CDCA3: variants seen among roughly 807,000 people sequenced by gnomAD.
CDCA3 encodes the protein cell division cycle associated 3.
Under a neutral mutation model 29.1 loss-of-function variants are expected in CDCA3, and 16 were observed. That is an observed-to-expected ratio of 0.55 (90% CI 0.37 to 0.83). CDCA3 has a LOEUF of 0.83. Ranked by LOEUF, CDCA3 falls within the 40% of genes least tolerant of loss-of-function variation. The probability of loss-of-function intolerance (pLI) is 0.00; values close to 1 mark genes in which losing one functional copy is unlikely to be tolerated. For synonymous variants in CDCA3, 88 were observed against 124.5 expected (o/e 0.71, Z 1.95); for missense variants, 291 against 327.2 (o/e 0.89, Z 0.85).
Position 6,850,009 on chromosome 12 carries a change from T to C in CDCA3, c.251-151A>G. On this transcript the variant is annotated intron_variant, in intron 3 of 5. Transcript: ENST00000538862. This position sits in a 1 kb window ranked among gnomAD's most constrained non-coding sequence, Gnocchi z 4.7. The stretch of plus-strand genomic sequence containing the variant: ...AATCAAGGTGAAAGGGAGCAATTTT[T>C]TTTTTTTTTGAGATGGGGCTTGCTC... 1.5e-6 allele frequency: 1 copy of C among 670,052 alleles called. No homozygotes were observed. Among genetic ancestry groups the C allele is most frequent in the African/African-American group, 1.8e-5 (1 of 54,374 alleles). The allele number at this position is 670,052 out of a possible 1,614,324, so 41.5% of individuals were successfully genotyped here. A position where few individuals can be genotyped will look rare whatever the true frequency, so the allele number is the denominator to read the frequency against.
In CDCA3 at chr12:6,851,015, A is replaced by G; in HGVS notation, c.-57-6T>C. Reference sequence around the variant, plus strand: ...CCGGGACGAGGAGGGAATGCCTGTGAGAAGTGACTCAGGTCTCAGCCCTTA... The same window carrying G: ...CCGGGACGAGGAGGGAATGCCTGTGGGAAGTGACTCAGGTCTCAGCCCTTA... On this transcript the variant is annotated splice_region_variant and splice_polypyrimidine_tract_variant and intron_variant, in intron 1 of 5. Coordinates refer to ENST00000538862, the MANE Select transcript of CDCA3 (RefSeq NM_031299.7). The G allele has an allele frequency of 6.4e-7, 1 of 1,560,264 alleles. No homozygotes were observed. Among genetic ancestry groups the G allele is most frequent in the Non-Finnish European group, 8.6e-7 (1 of 1,159,220 alleles).
At chr12:6,846,946 C>A, downstream of CDCA3, 1 of 1,046,572 alleles carries the variant, frequency 9.6e-7, no homozygotes, top group Non-Finnish European at 1.5e-6. Flanking sequence ...ACTCAGCAGC[C>A]CCCTGCCCGA....
Position 6,850,272 on chromosome 12 carries a change from C to A in CDCA3, c.250+195G>T. On this transcript the variant is annotated intron_variant, in intron 3 of 5. Coordinates refer to ENST00000538862, the MANE Select transcript of CDCA3 (RefSeq NM_031299.7). This position sits in a 1 kb window ranked among gnomAD's most constrained non-coding sequence, Gnocchi z 4.7. The stretch of plus-strand genomic sequence containing the variant: ...GGCTCAAGCGATCTGACCACCCCGG[C>A]CTTCCAACGTGCTGGGATTACAGGC... 5.9e-6 allele frequency: 4 copies of A among 682,744 alleles called. No homozygotes were observed. The highest frequency in any genetic ancestry group is 9.6e-6 in the Non-Finnish European group (4 of 415,934). 42.3% of individuals were successfully genotyped at this position (682,744 alleles called of 1,614,324 possible).
Position 6,850,445 on chromosome 12 carries a change from A to G in CDCA3, c.250+22T>C. 6.2e-7 allele frequency: 1 copy of G among 1,613,746 alleles called. No individual in the cohort carries two copies. Among genetic ancestry groups the G allele is most frequent in the East Asian group, 2.2e-5 (1 of 44,880 alleles). On this transcript the variant is annotated intron_variant, in intron 3 of 5. Coordinates refer to ENST00000538862, the MANE Select transcript of CDCA3 (RefSeq NM_031299.7). The surrounding 1 kb of genome is among the most constrained non-coding windows in gnomAD (Gnocchi z 4.7). ...AATAATAGATGACAGCTTCATCAGCATTCCCTGGGCCCAACGCTTACCTCC... is the reference window on the plus strand; with the variant it reads ...AATAATAGATGACAGCTTCATCAGCGTTCCCTGGGCCCAACGCTTACCTCC...
At position 6,850,269 on chromosome 12, in the gene CDCA3, C is replaced by CG. The variant is rs1943815972; in HGVS notation, c.250+197dup. 1 of 671,582 alleles carries CG rather than the reference C, an allele frequency of 1.5e-6. No individual in the cohort carries two copies. The highest frequency in any genetic ancestry group is 2.9e-5 in the East Asian group (1 of 35,000). The allele number at this position is 671,582 out of a possible 1,614,324, so 41.6% of individuals were successfully genotyped here. On this transcript the variant is annotated intron_variant, in intron 3 of 5. Coordinates refer to ENST00000538862, the MANE Select transcript of CDCA3 (RefSeq NM_031299.7). The surrounding 1 kb of genome is among the most constrained non-coding windows in gnomAD (Gnocchi z 4.7). The stretch of plus-strand genomic sequence containing the variant: ...CTGGGCTCAAGCGATCTGACCACCC[C>CG]GGCCTTCCAACGTGCTGGGATTACA...
At position 6,849,900 on chromosome 12, in the gene CDCA3, C is replaced by T. The variant is rs373865700; in HGVS notation, c.251-42G>A. The T allele has an allele frequency of 1.6e-5, 23 of 1,464,312 alleles. No homozygotes were observed. The highest frequency in any genetic ancestry group is 1.8e-4 in the Middle Eastern group (1 of 5,474). The allele number at this position is 1,464,312 out of a possible 1,614,324, so 90.7% of individuals were successfully genotyped here. A position where few individuals can be genotyped will look rare whatever the true frequency, so the allele number is the denominator to read the frequency against. On this transcript the variant is annotated intron_variant, in intron 3 of 5. Coordinates refer to ENST00000538862, the MANE Select transcript of CDCA3 (RefSeq NM_031299.7). This position sits in a 1 kb window ranked among gnomAD's most constrained non-coding sequence, Gnocchi z 5.2. ...AAGTGAACAGTGACCTTCTGATACACAACATTCAGCAAGGAGCAAAACATA... is the reference window on the plus strand; with the variant it reads ...AAGTGAACAGTGACCTTCTGATACATAACATTCAGCAAGGAGCAAAACATA...
downstream of CDCA3, chr12:6,845,420 G>A (rs1943666905): frequency 1.6e-6 from 1 of 612,066 alleles, no homozygotes; most frequent in South Asian, 1.9e-5. Context: ...ACTGGCACGT[G>A]GTATGTGTTG....
At position 6,850,757 on chromosome 12, in the gene CDCA3, G is replaced by A; in HGVS notation, c.120+76C>T. The A allele has an allele frequency of 6.3e-7, 1 of 1,581,496 alleles. No individual in the cohort carries two copies. Among genetic ancestry groups the A allele is most frequent in the South Asian group, 1.1e-5 (1 of 87,648 alleles). ...CTAGGATAAGGGTGGGGTCATGACG[G>A]CTCTCTCAAAATCAGGTTAGGAAGA... is the stretch of plus-strand genomic sequence containing the variant. On this transcript the variant is annotated intron_variant, in intron 2 of 5. Coordinates refer to ENST00000538862, the MANE Select transcript of CDCA3 (RefSeq NM_031299.7). The surrounding 1 kb of genome is among the most constrained non-coding windows in gnomAD (Gnocchi z 4.7).
downstream of CDCA3, chr12:6,845,422 T>G: frequency 1.6e-6 from 1 of 611,650 alleles, no homozygotes; most frequent in South Asian, 1.9e-5. Context: ...TGGCACGTGG[T>G]ATGTGTTGGC....
intron 1 of CDCA3, 47 bp from the exon 2 acceptor site, chr12:6,851,056 A>G (rs1943867344): frequency 6.9e-7 from 1 of 1,458,676 alleles, no homozygotes. Context: ...TCCACGTCGG[A>G]CCTTCAACCC....
chr12:6,849,513 C>A lies in CDCA3; in HGVS notation c.544+52G>T. 1 of 1,567,388 alleles carries A rather than the reference C, an allele frequency of 6.4e-7. No individual in the cohort carries two copies. The highest frequency in any genetic ancestry group is 8.7e-7 in the Non-Finnish European group (1 of 1,154,464). ...CCCACACTCACCCATGGACCTTATC[C>A]CAAAACATTATCCTAGTTTATCTTC... On this transcript the variant is annotated intron_variant, in intron 4 of 5. Transcript: ENST00000538862. This position sits in a 1 kb window ranked among gnomAD's most constrained non-coding sequence, Gnocchi z 5.2.
chr12:6,850,909 G>A lies in CDCA3; in HGVS notation c.44C>T (p.Pro15Leu), dbSNP rs781815396. 1.9e-6 allele frequency: 3 copies of A among 1,613,086 alleles called. No individual in the cohort carries two copies. Among genetic ancestry groups the A allele is most frequent in the Non-Finnish European group, 2.5e-6 (3 of 1,179,808 alleles). ...TCGAGCCAGATGCTTGTTGTGCGGCGGAGGCCGCGCTGGTGTGACTGGGAC... is the reference window on the plus strand; with the variant it reads ...TCGAGCCAGATGCTTGTTGTGCGGCAGAGGCCGCGCTGGTGTGACTGGGAC... ...KSVPVTPARP[P>L]PHNKHLARVA... Residue 15 changes from proline to leucine, a missense_variant, in exon 2 of 6, where the codon CCG becomes CTG. Pro to Leu is a moderately conservative substitution (Grantham distance 98, BLOSUM62 -3). Transcript: ENST00000538862. The surrounding 1 kb of genome is among the most constrained non-coding windows in gnomAD (Gnocchi z 4.7).
At chr12:6,851,171 T>C (rs1175272621) in intron 1 of CDCA3, 51 bp downstream of exon 1, 1 of 1,376,472 alleles carries the variant, frequency 7.3e-7, no homozygotes, top group Non-Finnish European at 9.4e-7. Context: ...TGGCTCGTTC[T>C]GGGCCTGCTG....
downstream of CDCA3, chr12:6,848,700 C>T: frequency 3.5e-6 from 1 of 285,340 alleles, no homozygotes; most frequent in East Asian, 8.9e-5. Flanking sequence ...AGGACAGAGC[C>T]ATAGGGACAC....
At position 6,850,321 on chromosome 12, in the gene CDCA3, G is replaced by T; in HGVS notation, c.250+146C>A. On this transcript the variant is annotated intron_variant, in intron 3 of 5. Coordinates refer to ENST00000538862, the MANE Select transcript of CDCA3 (RefSeq NM_031299.7). The surrounding 1 kb of genome is among the most constrained non-coding windows in gnomAD (Gnocchi z 4.7). ...GCATGAGCCACCGCACCCAGGCTGG[G>T]AACAAAATATTGAGATAAGAGTGAG... is the stretch of plus-strand genomic sequence containing the variant. The T allele has an allele frequency of 8.8e-7, 1 of 1,136,182 alleles. No homozygotes were observed. 70.4% of individuals were successfully genotyped at this position (1,136,182 alleles called of 1,614,324 possible). A position where few individuals can be genotyped will look rare whatever the true frequency, so the allele number is the denominator to read the frequency against.
downstream of CDCA3, chr12:6,845,528 G>A (rs1446371984): frequency 8.3e-7 from 1 of 1,210,256 alleles, no homozygotes; most frequent in Non-Finnish European, 1.2e-6. Flanking sequence ...CAGAGGGCGG[G>A]AGAGGCTGTG....
downstream of CDCA3, chr12:6,845,308 G>A (rs1334628717): frequency 2.6e-5 from 11 of 418,256 alleles, no homozygotes; most frequent in African/African-American, 6.0e-5. Context: ...CCTTCTAGCC[G>A]GGTCACTGCA....
At chr12:6,846,259 G>A (rs1555124688), downstream of CDCA3, 2 of 176,032 alleles carry the variant, frequency 1.1e-5, no homozygotes, top group East Asian at 1.5e-4. Context: ...GAGGCCAGGT[G>A]CTGATGAAAA....
At chr12:6,846,167 G>C (rs1943692263), downstream of CDCA3, 1 of 263,208 alleles carries the variant, frequency 3.8e-6, no homozygotes, top group Non-Finnish European at 7.4e-6. Context: ...ATCTGGAGTG[G>C]CCCGAGGGCC....
Sources: allele counts gnomAD v4.1 joint callset, GRCh38; gene constraint gnomAD v4.1.1; non-coding constraint Gnocchi (gnomAD v3.1); transcripts MANE v1.5; gene names NCBI Gene and HGNC (gene_info 2026-07-23, HGNC 2026-07-21).